Variants in CACNA2D3 observed in about 807,000 individuals in gnomAD.
CACNA2D3 encodes voltage-dependent calcium channel subunit alpha-2/delta-3.
CACNA2D3 carries 60 observed loss-of-function variants against 160.6 expected under a neutral mutation model. The observed-to-expected ratio is 0.37, with a 90% CI of 0.30 to 0.46. The LOEUF is 0.46. Ranked by LOEUF, CACNA2D3 falls within the 20% of genes least tolerant of loss-of-function variation. The probability of loss-of-function intolerance (pLI) is 1.00; values close to 1 mark genes in which losing one functional copy is unlikely to be tolerated. For missense variants in CACNA2D3, 1,205 were observed against 1,365.0 expected, an observed-to-expected ratio of 0.88 and a Z score of 1.85; for synonymous variants, 558 against 492.9, an observed-to-expected ratio of 1.13 and a Z score of -1.75.
chr3:55,055,130 G>GC (rs1704330376), intron 35 of CACNA2D3, among the ~76,000 whole-genome samples: 1 of 152,016 alleles, frequency 6.6e-6, no homozygotes, highest in Admixed American at 6.6e-5. Context: ...AAGAATCATT[G>GC]CTCAGACTAC....
At chr3:54,230,036 C>A (rs1355885117) in intron 2 of CACNA2D3, among the ~76,000 whole-genome samples, 1 of 151,278 alleles carries the variant, frequency 6.6e-6, no homozygotes, top group African/African-American at 2.4e-5. Flanking sequence ...GGAAGCGTTG[C>A]CAAAGGTAAT....
chr3:54,135,702 G>A (rs1184991342), intron 2 of CACNA2D3, among the ~76,000 whole-genome samples: 1 of 152,210 alleles, frequency 6.6e-6, no homozygotes, highest in East Asian at 1.9e-4. Flanking sequence ...CCCTGAGTGA[G>A]CAGGATCTGA....
intron 2 of CACNA2D3, among the ~76,000 whole-genome samples, chr3:54,287,285 C>G (rs1474865123): frequency 1.3e-5 from 2 of 152,138 alleles, no homozygotes; most frequent in Non-Finnish European, 2.9e-5. Flanking sequence ...ATCCTAGTCT[C>G]TGATAAAAGA....
chr3:55,063,008 G>A (rs539888826), intron 35 of CACNA2D3, among the ~76,000 whole-genome samples: 178 of 152,344 alleles, frequency 1.2e-3, no homozygotes, highest in African/African-American at 4.1e-3. Flanking sequence ...GAAAGCTGTG[G>A]ATTTTATATG....
chr3:54,544,491 A>G (rs1406947100), intron 5 of CACNA2D3, among the ~76,000 whole-genome samples: 4 of 151,754 alleles, frequency 2.6e-5, no homozygotes, highest in South Asian at 2.1e-4. Context: ...GCAACCTCCA[A>G]CTCTTGGGCT....
At chr3:54,612,645 A>C in intron 9 of CACNA2D3, among the ~76,000 whole-genome samples, 1 of 152,330 alleles carries the variant, frequency 6.6e-6, no homozygotes, top group Non-Finnish European at 1.5e-5. Flanking sequence ...GAGATATATT[A>C]ATTATACTCA....
intron 25 of CACNA2D3, 145 bp from the exon 26 acceptor site, chr3:54,896,604 G>T: frequency 1.2e-6 from 1 of 852,976 alleles, no homozygotes; most frequent in South Asian, 1.6e-5. Flanking sequence ...ACAGTGTTAA[G>T]TGAGGCCCCC....
At chr3:54,867,166 G>A (rs1378197631) in intron 17 of CACNA2D3, among the ~76,000 whole-genome samples, 2 of 152,202 alleles carry the variant, frequency 1.3e-5, no homozygotes, top group African/African-American at 2.4e-5. Flanking sequence ...AGAAGAAGTG[G>A]TGGAGCCGAG....
In CACNA2D3 at chr3:54,581,891, G is replaced by A. The variant is rs561535784; in HGVS notation, c.963+14G>A. 25 of 1,610,764 alleles carry A rather than the reference G, an allele frequency of 1.6e-5. No homozygotes were observed. The highest frequency in any genetic ancestry group is 1.3e-5 in the African/African-American group (1 of 74,908). ...ACAAACAAAGAGGTAGGGGCAGCTCGGGGGAGCATTCCAGTCATGGTACAC... is the reference window on the plus strand; with the variant it reads ...ACAAACAAAGAGGTAGGGGCAGCTCAGGGGAGCATTCCAGTCATGGTACAC... On this transcript the variant is annotated intron_variant, in intron 9 of 37. Transcript: ENST00000474759.
chr3:55,009,527 C>T (rs1169718433), intron 34 of CACNA2D3, 84 bp downstream of exon 34: 1 of 1,287,420 alleles, frequency 7.8e-7, no homozygotes, highest in Non-Finnish European at 1.1e-6. Flanking sequence ...GATGTGCTGG[C>T]TCACAGAAAA....
chr3:55,033,881 C>T (rs5008702), intron 35 of CACNA2D3, among the ~76,000 whole-genome samples: 9,953 of 88,764 alleles, frequency 0.11, 444 homozygotes, highest in African/African-American at 0.15. Flanking sequence ...ATATATATTA[C>T]ATATTAAGTA....
intron 2 of CACNA2D3, among the ~76,000 whole-genome samples, chr3:54,253,000 G>A (rs954826417): frequency 6.6e-6 from 1 of 151,942 alleles, no homozygotes; most frequent in South Asian, 2.1e-4. Context: ...GTCAGTATTT[G>A]ATTTAATATT....
chr3:54,489,634 G>A (rs1701075314), intron 4 of CACNA2D3, among the ~76,000 whole-genome samples: 2 of 152,202 alleles, frequency 1.3e-5, no homozygotes, highest in South Asian at 2.1e-4. Flanking sequence ...GCAGAGCTGG[G>A]GTTGGAACTC....
intron 3 of CACNA2D3, among the ~76,000 whole-genome samples, chr3:54,343,209 A>G (rs2107527123): frequency 6.6e-6 from 1 of 151,658 alleles, no homozygotes; most frequent in South Asian, 2.1e-4. Context: ...CCACGAGGAG[A>G]TTGTTAAATG....
At chr3:54,389,266 G>A (rs1377750990) in intron 4 of CACNA2D3, among the ~76,000 whole-genome samples, 2 of 150,958 alleles carry the variant, frequency 1.3e-5, no homozygotes, top group African/African-American at 4.9e-5. Flanking sequence ...GTGCACTCCA[G>A]CCTGGGCAAC....
chr3:54,345,024 A>AG (rs1423968676), intron 3 of CACNA2D3, among the ~76,000 whole-genome samples: 3 of 152,222 alleles, frequency 2.0e-5, no homozygotes, highest in Admixed American at 1.3e-4. Flanking sequence ...TGGCAACGAC[A>AG]GGAAGTTACC....
chr3:54,249,812 A>G lies in CACNA2D3; in HGVS notation c.205-70630A>G, dbSNP rs1004563362. ...GGGACTATTTCTTTTTTTGTCTTTT[A>G]ATAATATCAAAGTGGTTCATTATGA... is the stretch of plus-strand genomic sequence containing the variant. On this transcript the variant is annotated intron_variant, in intron 2 of 37. Coordinates refer to ENST00000474759, the MANE Select transcript of CACNA2D3 (RefSeq NM_018398.3). 2.2e-4 allele frequency among the ~76,000 whole-genome samples: 33 copies of G among 150,092 alleles called. 1 individual carries two copies. Among genetic ancestry groups the G allele is most frequent in the Admixed American group, 2.0e-3 (30 of 15,072 alleles).
intron 9 of CACNA2D3, chr3:54,626,700 A>AAAG (rs1699120838): frequency 4.0e-6 from 3 of 740,778 alleles, no homozygotes; most frequent in South Asian, 1.6e-5. Flanking sequence ...AAAAAAAAAA[A>AAAG]AAAAAAAAAG....
At chr3:54,217,279 C>T (rs904343693) in intron 2 of CACNA2D3, among the ~76,000 whole-genome samples, 2 of 152,094 alleles carry the variant, frequency 1.3e-5, no homozygotes, top group Non-Finnish European at 2.9e-5. Context: ...GAGCCTCTGC[C>T]GCCTCCTCCT....
Sources: gnomAD v4.1 joint callset for allele counts (sites outside exome capture counted in the v4.1 genomes callset) on GRCh38, gnomAD v4.1.1 for gene constraint, MANE v1.5 for transcripts, NCBI Gene and HGNC (gene_info 2026-07-23, HGNC 2026-07-21) for gene names.